Variants in PAK3 observed in about 807,000 individuals in gnomAD.
PAK3 encodes p21 (RAC1) activated kinase 3, also known as serine/threonine-protein kinase PAK 3.
A neutral mutation model predicts 41.0 loss-of-function variants in PAK3; 4 were observed. That is an observed-to-expected ratio of 0.10 (90% CI 0.05 to 0.22). The LOEUF (loss-of-function observed/expected upper bound fraction) is 0.22. PAK3 is among the 10% of genes least tolerant of loss of function. The pLI is 1.00. For missense variants in PAK3, 205 were observed against 409.9 expected (o/e 0.50, Z 4.32); for synonymous variants, 146 against 139.6 (o/e 1.05, Z -0.32).
In PAK3 at chrX:111,023,735, G is replaced by T. The variant is rs139613186; in HGVS notation, c.-28+79107G>T. ...ATATCCTTCACCCATTTTTTTGATGGGGTTGTTTGTTTTTTTCTTGTAAAT... is the reference window on the plus strand; with the variant it reads ...ATATCCTTCACCCATTTTTTTGATGTGGTTGTTTGTTTTTTTCTTGTAAAT... On this transcript the variant is annotated intron_variant, in intron 1 of 14. Coordinates refer to the PAK3 transcript ENST00000425146. 4.3e-3 allele frequency among the ~76,000 whole-genome samples: 480 copies of T among 111,547 alleles called. 1 individual carries two copies. Among genetic ancestry groups the T allele is most frequent in the African/African-American group, 0.015 (462 of 30,722 alleles).
At chrX:111,023,962 T>G (rs1354986750) in intron 1 of PAK3, among the ~76,000 whole-genome samples, 1 of 111,913 alleles carries the variant, frequency 8.9e-6, no homozygotes, top group Non-Finnish European at 1.9e-5. Context: ...TCATGAAGTC[T>G]TTGCCCATGC....
At chrX:111,119,970 G>C (rs955251948) in intron 4 of PAK3, among the ~76,000 whole-genome samples, 1 of 111,934 alleles carries the variant, frequency 8.9e-6, no homozygotes, top group African/African-American at 3.2e-5. Context: ...CCTTGTAATG[G>C]GTAGTAAAGA....
intron 1 of PAK3, among the ~76,000 whole-genome samples, chrX:110,957,146 TTTAC>T (rs1201248798): frequency 8.9e-6 from 1 of 112,281 alleles, no homozygotes; most frequent in Non-Finnish European, 1.9e-5. Flanking sequence ...TCCTGCTACT[TTTAC>T]TTCTATGAAT....
Position 111,058,301 on chromosome X carries a change from G to GT in PAK3, c.-27-64775dup, listed in dbSNP as rs775489031. Among the ~76,000 whole-genome samples the GT allele has an allele frequency of 1.5e-4, 17 of 111,712 alleles. No homozygotes were observed. The South Asian group carries it at 5.6e-3, about 37-fold the overall frequency. On this transcript the variant is annotated intron_variant, in intron 1 of 14. Transcript: ENST00000425146. ...CCCCATTTACATTACAACCAGAAAC[G>GT]TATGAGGGTTACAATTTCTCCAAAT...
chrX:111,100,162 T>G (rs1414606051), intron 3 of PAK3, among the ~76,000 whole-genome samples: 3 of 109,945 alleles, frequency 2.7e-5, no homozygotes, highest in Non-Finnish European at 5.7e-5. Flanking sequence ...GATGGGTGGG[T>G]GGCGTATATT....
At chrX:111,014,122 C>T (rs927461262) in intron 1 of PAK3, among the ~76,000 whole-genome samples, 2 of 112,016 alleles carry the variant, frequency 1.8e-5, no homozygotes, top group African/African-American at 6.5e-5. Context: ...ACAGCAAAGT[C>T]CCAGCAGATC....
intron 1 of PAK3, among the ~76,000 whole-genome samples, chrX:110,969,402 G>A (rs1307146074): frequency 9.6e-6 from 1 of 104,074 alleles, no homozygotes; most frequent in East Asian, 3.0e-4. Flanking sequence ...TTGTGCTTCA[G>A]CCCCCTGAGT....
Position 111,123,344 on chromosome X carries a change from T to C in PAK3, c.175+66T>C, listed in dbSNP as rs1309492539. On this transcript the variant is annotated intron_variant, in intron 5 of 17. Transcript: ENST00000372007. ...ATTCTTTCATTTTCACTTTCTTTCT[T>C]AGGTAGTTGTTTCTTGAGGATTGAC... 2.7e-5 allele frequency: 26 copies of C among 970,720 alleles called. No homozygotes were observed. In the Middle Eastern group the frequency reaches 9.9e-4, roughly 37 times the overall value. The allele number at this position is 970,720 out of a possible 1,213,427, so 80.0% of individuals were successfully genotyped here.
chrX:111,159,409 C>T (rs1351523275), intron 8 of PAK3, among the ~76,000 whole-genome samples: 1 of 110,995 alleles, frequency 9.0e-6, no homozygotes, highest in East Asian at 2.8e-4. Flanking sequence ...TTCACGGGCC[C>T]ATGTAAAACT....
intron 12 of PAK3, 116 bp downstream of exon 12, chrX:111,192,291 TG>T: frequency 3.5e-6 from 2 of 569,811 alleles, no homozygotes; most frequent in Admixed American, 2.6e-5. Flanking sequence ...TTGACATAGG[TG>T]TTTACTTCCT....
intron 5 of PAK3, among the ~76,000 whole-genome samples, chrX:111,135,745 A>G (rs373915974): frequency 9.0e-6 from 1 of 111,644 alleles, no homozygotes; most frequent in East Asian, 2.8e-4. Flanking sequence ...CTAATTTGTG[A>G]CTTCAGGGGA....
intron 4 of PAK3, among the ~76,000 whole-genome samples, chrX:111,108,650 C>G (rs1056473786): frequency 1.8e-5 from 2 of 112,407 alleles, no homozygotes; most frequent in African/African-American, 6.5e-5. Flanking sequence ...CCAAAACCAC[C>G]CCATTGCCCC....
intron 1 of PAK3, among the ~76,000 whole-genome samples, chrX:111,039,270 T>C (rs773046380): frequency 3.6e-5 from 4 of 112,393 alleles, no homozygotes; most frequent in Admixed American, 9.4e-5. Flanking sequence ...TTAGCCAAAT[T>C]TGATTGACAA....
intron 1 of PAK3, among the ~76,000 whole-genome samples, chrX:110,946,178 A>G (rs2090616187): frequency 9.0e-6 from 1 of 111,312 alleles, no homozygotes; most frequent in African/African-American, 3.3e-5. Context: ...TTGAGTCTTG[A>G]AGAATTAATT....
chrX:111,217,647 C>A (rs2094893447), intron 17 of PAK3: 1 of 932,063 alleles, frequency 1.1e-6, no homozygotes, highest in Admixed American at 3.4e-5. Flanking sequence ...TACATCTTTT[C>A]TTTTCTGCTA....
Position 111,114,376 on chromosome X carries a change from C to A in PAK3, c.-27-8701C>A, listed in dbSNP as rs772724680. Among the ~76,000 whole-genome samples, 4 of 112,021 alleles carry A rather than the reference C, an allele frequency of 3.6e-5. No individual in the cohort carries two copies. The East Asian group carries it at 1.1e-3, about 32-fold the overall frequency. ...TGTGGTTCAAGTAAATGAATTCATG[C>A]ACAGATGGGTTACTTAAGGGGCCTC... is the stretch of plus-strand genomic sequence containing the variant. On this transcript the variant is annotated intron_variant, in intron 4 of 17. Coordinates refer to ENST00000372007, the MANE Select transcript of PAK3 (RefSeq NM_002578.5).
At chrX:110,995,213 T>G (rs749039319) in intron 1 of PAK3, among the ~76,000 whole-genome samples, 4 of 111,031 alleles carry the variant, frequency 3.6e-5, no homozygotes, top group Non-Finnish European at 5.7e-5. Flanking sequence ...AAAATTTAGG[T>G]GCCGTCAGCG....
chrX:111,092,020 C>A (rs995176238), upstream of PAK3, among the ~76,000 whole-genome samples: 14 of 111,367 alleles, frequency 1.3e-4, no homozygotes, highest in African/African-American at 3.3e-4. Flanking sequence ...ATCTGGGTTG[C>A]TTTTGCCCAG....
chrX:111,194,309 TG>T lies in PAK3; in HGVS notation c.1004del (p.Gly335ValfsTer6). 1 of 1,147,660 alleles carries T rather than the reference TG, an allele frequency of 8.7e-7. No homozygotes were observed. The highest frequency in any genetic ancestry group is 1.8e-5 in the African/African-American group (1 of 56,464). 94.6% of individuals were successfully genotyped at this position (1,147,660 alleles called of 1,213,427 possible). On this transcript the variant is annotated frameshift_variant, in exon 14 of 18. Transcript: ENST00000372007. LOFTEE classifies it high-confidence loss of function. ...NIVNYLDSYL[V>X]GDELWVVMEY... Reference sequence around the variant, plus strand: ...TTCTTTTCTTGTTATAGCTACTTGGTGGGTGATGAACTATGGGTAGTCATGG... The same window carrying T: ...TTCTTTTCTTGTTATAGCTACTTGGTGGTGATGAACTATGGGTAGTCATGG...
Sources: allele counts gnomAD v4.1 joint callset (sites outside exome capture counted in the v4.1 genomes callset), GRCh38; gene constraint gnomAD v4.1.1; transcripts MANE v1.5; gene names NCBI Gene and HGNC (gene_info 2026-07-23, HGNC 2026-07-21).